USH2A: variants seen among roughly 807,000 people sequenced by gnomAD.
USH2A encodes the protein usherin, also known as Usher syndrome 2A (autosomal recessive, mild).
A neutral mutation model predicts 538.9 loss-of-function variants in USH2A; 443 were observed. The ratio of observed to expected loss-of-function variants is 0.82; its 90% CI spans 0.76 to 0.89. The LOEUF (loss-of-function observed/expected upper bound fraction) is 0.89, where lower values mean the gene tolerates loss of function less well. USH2A is among the 40% of genes least tolerant of loss of function. The pLI, the probability that USH2A is intolerant of heterozygous loss-of-function variation, is 0.00. For missense variants in USH2A, 6,633 were observed against 6,324.8 expected (o/e 1.05, Z -1.65); for synonymous variants, 2,413 against 2,273.5 (o/e 1.06, Z -1.75).
At chr1:216,010,572 A>G (rs554729534) in intron 32 of USH2A, among the ~76,000 whole-genome samples, 3 of 151,276 alleles carry the variant, frequency 2.0e-5, no homozygotes, top group African/African-American at 4.9e-5. Context: ...TTCTTAATCA[A>G]TACGGAGGCT....
At chr1:215,891,474 G>T (rs12408624) in intron 40 of USH2A, among the ~76,000 whole-genome samples, 3 of 152,006 alleles carry the variant, frequency 2.0e-5, no homozygotes, top group Non-Finnish European at 4.4e-5. Flanking sequence ...AAATCAACTG[G>T]CCTGCAACTG....
intron 4 of USH2A, among the ~76,000 whole-genome samples, chr1:216,353,406 T>G (rs192554845): frequency 6.6e-6 from 1 of 151,158 alleles, no homozygotes; most frequent in Admixed American, 6.6e-5. Flanking sequence ...AATGGCTAGA[T>G]TTATAAAAAA....
rs1322092837 is a variant in USH2A, at chr1:215,674,430, T to G, written c.13481A>C (p.Tyr4494Ser). 6.2e-7 allele frequency: 1 copy of G among 1,614,144 alleles called. No homozygotes were observed. Among genetic ancestry groups the G allele is most frequent in the South Asian group, 1.1e-5 (1 of 91,068 alleles). The stretch of plus-strand genomic sequence containing the variant: ...ACCTGGGGTGAGAGTAAAATCACGA[T>G]AGCGTGTTTCCAAGCCTGTATATAC... ...TIVYTGLETR[Y>S]RDFTLTPGVE... Residue 4494 changes from tyrosine to serine, a missense_variant, in exon 63 of 72, where the codon TAT becomes TCT. By Grantham distance (144) the Tyr-to-Ser change is moderately radical (BLOSUM62 -2). Transcript: ENST00000307340.
chr1:215,638,986 A>C (rs1656587339), intron 69 of USH2A, among the ~76,000 whole-genome samples, 169 bp downstream of exon 69: 1 of 151,760 alleles, frequency 6.6e-6, no homozygotes, highest in Non-Finnish European at 1.5e-5. Context: ...TCAAAAAAAA[A>C]CAACAACAAA....
chr1:216,045,844 G>T (rs1337378183), intron 32 of USH2A, among the ~76,000 whole-genome samples: 1 of 152,142 alleles, frequency 6.6e-6, no homozygotes, highest in Admixed American at 6.6e-5. Flanking sequence ...CCTGGGTGGA[G>T]GGAGGTAACA....
intron 35 of USH2A, among the ~76,000 whole-genome samples, chr1:215,971,679 CAACT>C (rs1398147699): frequency 6.6e-6 from 1 of 152,104 alleles, no homozygotes; most frequent in Non-Finnish European, 1.5e-5. Flanking sequence ...TATGGTCTCA[CAACT>C]AATTATATAA....
intron 19 of USH2A, among the ~76,000 whole-genome samples, chr1:216,192,137 C>T (rs1212522054): frequency 6.6e-6 from 1 of 151,980 alleles, no homozygotes; most frequent in Non-Finnish European, 1.5e-5. Flanking sequence ...CTTGATCCCC[C>T]ACAATGAATC....
At chr1:216,116,264 TA>T (rs1335390272) in intron 21 of USH2A, among the ~76,000 whole-genome samples, 1 of 152,126 alleles carries the variant, frequency 6.6e-6, no homozygotes, top group Non-Finnish European at 1.5e-5. Flanking sequence ...AGATACTTCA[TA>T]AAATTTATAT....
chr1:215,897,296 A>C (rs572121124), intron 40 of USH2A, among the ~76,000 whole-genome samples: 1 of 152,286 alleles, frequency 6.6e-6, no homozygotes, highest in African/African-American at 2.4e-5. Flanking sequence ...TGGCTGATGC[A>C]GAAAGGTGCC....
At chr1:216,269,668 G>C (rs78676618) in intron 11 of USH2A, among the ~76,000 whole-genome samples, 3,839 of 152,214 alleles carry the variant, frequency 0.025, 163 homozygotes, top group African/African-American at 0.089. Context: ...AATTGGCCAA[G>C]TGGTCAAGTT....
At chr1:215,756,919 T>C (rs867786489) in intron 58 of USH2A, among the ~76,000 whole-genome samples, 127 of 147,452 alleles carry the variant, frequency 8.6e-4, no homozygotes, top group Middle Eastern at 3.4e-3. Flanking sequence ...GGTCTCAAAA[T>C]AAACAAACAA....
chr1:215,839,642 T>A (rs1246389587), intron 46 of USH2A, among the ~76,000 whole-genome samples: 1 of 152,164 alleles, frequency 6.6e-6, no homozygotes, highest in Non-Finnish European at 1.5e-5. Flanking sequence ...TGTTTTAACC[T>A]CAAATGTTAG....
intron 40 of USH2A, among the ~76,000 whole-genome samples, chr1:215,896,413 A>G (rs1665342291): frequency 6.6e-6 from 1 of 152,154 alleles, no homozygotes; most frequent in African/African-American, 2.4e-5. Flanking sequence ...AATGACTGAA[A>G]TTAGATATTC....
At chr1:215,672,237 C>A (rs1464090158) in intron 63 of USH2A, among the ~76,000 whole-genome samples, 1 of 152,132 alleles carries the variant, frequency 6.6e-6, no homozygotes, top group South Asian at 2.1e-4. Flanking sequence ...CCGCAGGCAC[C>A]CAGCTATCTT....
chr1:215,644,617 T>A (rs552536326), intron 67 of USH2A, among the ~76,000 whole-genome samples: 2 of 152,204 alleles, frequency 1.3e-5, no homozygotes, highest in African/African-American at 4.8e-5. Flanking sequence ...AACCACTTTT[T>A]AAAAAAGGAT....
chr1:216,184,834 A>ACCCAG (rs2034566637), intron 20 of USH2A, among the ~76,000 whole-genome samples: 1 of 151,934 alleles, frequency 6.6e-6, no homozygotes, highest in Non-Finnish European at 1.5e-5. Flanking sequence ...CCAGCAGCAA[A>ACCCAG]CAGCCTATAC....
At chr1:216,376,734 G>A (rs1233539242) in intron 3 of USH2A, among the ~76,000 whole-genome samples, 2 of 152,098 alleles carry the variant, frequency 1.3e-5, no homozygotes, top group South Asian at 2.1e-4. Context: ...CTGACCCCAA[G>A]TCAGAAGGGC....
At chr1:216,420,964 C>T (rs147574117) in intron 2 of USH2A, among the ~76,000 whole-genome samples, 4 of 152,214 alleles carry the variant, frequency 2.6e-5, no homozygotes, top group East Asian at 1.9e-4. Flanking sequence ...ATCCAGCCAA[C>T]GCTGTCACAC....
rs752059469 is a variant in USH2A at position 216,190,315 on chromosome 1, T to G, written c.4304A>C (p.Lys1435Thr). Reference protein sequence around the residue: ...QELSYTVEGLKPYRIYEFTIT... With the variant: ...QELSYTVEGLTPYRIYEFTIT... ...AGTAAACTCATATATCCTATAAGGTTTCAGTCCTTCTACAGTGTAAGATAG... is the reference window on the plus strand; with the variant it reads ...AGTAAACTCATATATCCTATAAGGTGTCAGTCCTTCTACAGTGTAAGATAG... The change falls in exon 20 of 72, where the codon AAA (lysine) becomes ACA (threonine). Residue 1435 changes from lysine (K) to threonine (T), a missense_variant. Transcript: ENST00000307340. 46 of 1,612,208 alleles carry G rather than the reference T, an allele frequency of 2.9e-5. No individual in the cohort carries two copies. The highest frequency in any genetic ancestry group is 1.3e-5 in the African/African-American group (1 of 74,754).
Sources: allele counts gnomAD v4.1 joint callset (sites outside exome capture counted in the v4.1 genomes callset), GRCh38; gene constraint gnomAD v4.1.1; transcripts MANE v1.5; gene names NCBI Gene and HGNC (gene_info 2026-07-23, HGNC 2026-07-21).